Variants in FBXO22 observed in about 807,000 individuals in gnomAD.
The protein encoded by FBXO22 is F-box protein 22, also known as F-box only protein 22.
FBXO22 carries 13 observed loss-of-function variants against 37.2 expected under a neutral mutation model. The ratio of observed to expected loss-of-function variants is 0.35; its 90% CI spans 0.23 to 0.56. FBXO22 has a LOEUF of 0.56. Ranked by LOEUF, FBXO22 falls within the 20% of genes least tolerant of loss-of-function variation. FBXO22 has a pLI of 0.87. For missense variants in FBXO22, 446 were observed against 509.9 expected, an observed-to-expected ratio of 0.87 and a Z score of 1.21; for synonymous variants, 189 against 189.1, an observed-to-expected ratio of 1.00 and a Z score of 0.00.
chr15:75,906,897 A>T (rs971845371), intron 2 of FBXO22, among the ~76,000 whole-genome samples: 3 of 152,170 alleles, frequency 2.0e-5, no homozygotes, highest in Non-Finnish European at 4.4e-5. Flanking sequence ...ATTAAATTAT[A>T]GACTGCAAAT....
rs369843814 is a variant in FBXO22, at chr15:75,941,998, AG to A, written c.*8901del. On this transcript the variant is annotated 3_prime_UTR_variant, in exon 7 of 7. Coordinates refer to ENST00000308275, the MANE Select transcript of FBXO22 (RefSeq NM_147188.3). ...TTTTTTTTTTTTTTTTAAAAAGGGC[AG>A]GGGGTGGGGTATTTAGTCACAAGAC... 9.3e-5 allele frequency: 13 copies of A among 139,204 alleles called. No homozygotes were observed. The highest frequency in any genetic ancestry group is 3.4e-4 in the African/African-American group (13 of 38,252). 8.6% of individuals were successfully genotyped at this position (139,204 alleles called of 1,614,324 possible).
chr15:75,907,539 A>G (rs1899956334), intron 2 of FBXO22, among the ~76,000 whole-genome samples: 1 of 152,176 alleles, frequency 6.6e-6, no homozygotes, highest in Admixed American at 6.5e-5. Flanking sequence ...TTTCCAAGTT[A>G]TCTAGTGGAC....
At chr15:75,912,517 A>G (rs1900083233) in intron 2 of FBXO22, among the ~76,000 whole-genome samples, 1 of 152,096 alleles carries the variant, frequency 6.6e-6, no homozygotes, top group African/African-American at 2.4e-5. Flanking sequence ...TGTGTCCAGG[A>G]ATTTATCCAT....
At chr15:75,919,159 A>G (rs1195706730) in intron 5 of FBXO22, among the ~76,000 whole-genome samples, 1 of 151,982 alleles carries the variant, frequency 6.6e-6, no homozygotes, top group Non-Finnish European at 1.5e-5. Flanking sequence ...TTTATTAGAG[A>G]TAGGGTTTTA....
intron 5 of FBXO22, 99 bp from the exon 6 acceptor site, chr15:75,929,785 A>C (rs1300106438): frequency 1.1e-5 from 16 of 1,419,254 alleles, no homozygotes; most frequent in East Asian, 2.3e-5. Flanking sequence ...AATTGCCCTT[A>C]AGGTGGAGTG....
Position 75,938,158 on chromosome 15 carries a change from A to G in FBXO22, c.*5056A>G, listed in dbSNP as rs2030564070. Reference sequence around the variant, plus strand: ...AGGATTGCTCCTAGCATTCAAGGGAATTTATGTCAAAATAGCTGAACGTGA... The same window carrying G: ...AGGATTGCTCCTAGCATTCAAGGGAGTTTATGTCAAAATAGCTGAACGTGA... On this transcript the variant is annotated 3_prime_UTR_variant, in exon 7 of 7. Transcript: ENST00000308275. 6.6e-6 allele frequency: 1 copy of G among 152,224 alleles called. No individual in the cohort carries two copies. The highest frequency in any genetic ancestry group is 2.1e-4 in the South Asian group (1 of 4,832). The allele number at this position is 152,224 out of a possible 1,614,324, so 9.4% of individuals were successfully genotyped here.
In FBXO22 at chr15:75,932,738, A is replaced by G; in HGVS notation, c.848A>G (p.His283Arg). Residue 283 changes from histidine to arginine, a missense_variant, in exon 7 of 7, where the codon CAC (histidine) becomes CGC (arginine). Around this residue, in one of 2 missense-constraint regions of FBXO22, gnomAD observed 315 missense variants for 410.1 expected, o/e 0.77. Transcript: ENST00000308275. ...GTGGTTGGACTGTCATTTAGTGGAC[A>G]CCGAATCCAGAGTGCCACTGTGCTC... ...SGVVGLSFSG[H>R]RIQSATVLLN... is the part of the protein sequence containing the mutation. 6.2e-7 allele frequency: 1 copy of G among 1,614,118 alleles called. No homozygotes were observed.
At chr15:75,923,098 C>G (rs1282346165) in intron 5 of FBXO22, among the ~76,000 whole-genome samples, 1 of 152,156 alleles carries the variant, frequency 6.6e-6, no homozygotes, top group Admixed American at 6.5e-5. Context: ...ACTCTGTCCT[C>G]TGTCCACCTG....
At chr15:75,916,153 C>T (rs933253605) in intron 4 of FBXO22, among the ~76,000 whole-genome samples, 28 of 149,940 alleles carry the variant, frequency 1.9e-4, no homozygotes, top group Admixed American at 6.0e-4. Context: ...TAAGCAAAAG[C>T]ACCTTTAAGC....
chr15:75,907,670 C>T (rs555271206), intron 2 of FBXO22, among the ~76,000 whole-genome samples: 3 of 151,974 alleles, frequency 2.0e-5, no homozygotes, highest in African/African-American at 2.4e-5. Context: ...CCGAGGCAGG[C>T]AAATCACTTG....
Position 75,935,822 on chromosome 15 carries a change from C to T in FBXO22, c.*2720C>T, listed in dbSNP as rs894742513. On this transcript the variant is annotated 3_prime_UTR_variant, in exon 7 of 7. Coordinates refer to ENST00000308275, the MANE Select transcript of FBXO22 (RefSeq NM_147188.3). ...TTTTTTTTTGAGACGGAGTCCCGCT[C>T]TTTAGCCCAGGCCGGATTGCAATGG... is the stretch of plus-strand genomic sequence containing the variant. 6 of 152,034 alleles carry T rather than the reference C, an allele frequency of 3.9e-5. No homozygotes were observed. Among genetic ancestry groups the T allele is most frequent in the Non-Finnish European group, 7.4e-5 (5 of 68,026 alleles). 9.4% of individuals were successfully genotyped at this position (152,034 alleles called of 1,614,324 possible).
intron 5 of FBXO22, among the ~76,000 whole-genome samples, chr15:75,922,081 A>T (rs1255836672): frequency 2.6e-5 from 4 of 152,136 alleles, no homozygotes; most frequent in African/African-American, 9.7e-5. Flanking sequence ...TAACATAGTC[A>T]TTCATTGTCA....
At chr15:75,904,829 T>TTC (rs1396970671) in intron 2 of FBXO22, among the ~76,000 whole-genome samples, 200 bp downstream of exon 2, 1 of 147,992 alleles carries the variant, frequency 6.8e-6, no homozygotes, top group Non-Finnish European at 1.5e-5. Flanking sequence ...GTTGGGCCTT[T>TTC]TTTTTTTTTT....
Position 75,932,819 on chromosome 15 carries a change from A to G in FBXO22, c.929A>G (p.Lys310Arg). 2 of 1,614,280 alleles carry G rather than the reference A, an allele frequency of 1.2e-6. No homozygotes were observed. The highest frequency in any genetic ancestry group is 1.7e-6 in the Non-Finnish European group (2 of 1,180,054). Reference sequence around the variant, plus strand: ...GCTGAGGCTGCGATGCAGCGCCTCAAAGCGGCCAACATTCCAGAGCATAAC... The same window carrying G: ...GCTGAGGCTGCGATGCAGCGCCTCAGAGCGGCCAACATTCCAGAGCATAAC... ...KTAEAAMQRL[K>R]AANIPEHNTI... Residue 310 changes from lysine (K) to arginine (R), a missense_variant, in exon 7 of 7, where the codon AAA becomes AGA. By Grantham distance (26) the Lys-to-Arg change is conservative. Coordinates refer to ENST00000308275, the MANE Select transcript of FBXO22 (RefSeq NM_147188.3).
chr15:75,930,628 C>A, intron 6 of FBXO22: 3 of 985,386 alleles, frequency 3.0e-6, no homozygotes, highest in Non-Finnish European at 3.6e-6. Flanking sequence ...AAGGCTTTTG[C>A]TTTCAAAGAT....
chr15:75,909,937 C>T (rs1350042822), intron 2 of FBXO22, among the ~76,000 whole-genome samples: 1 of 152,092 alleles, frequency 6.6e-6, no homozygotes, highest in East Asian at 1.9e-4. Flanking sequence ...CCCTGACAGG[C>T]CCTGGTGTGT....
At chr15:75,923,893 T>C (rs1037919820) in intron 5 of FBXO22, among the ~76,000 whole-genome samples, 1 of 152,000 alleles carries the variant, frequency 6.6e-6, no homozygotes, top group Non-Finnish European at 1.5e-5. Context: ...AGATGAAGTT[T>C]GGGGCTGAAT....
intron 5 of FBXO22, among the ~76,000 whole-genome samples, chr15:75,928,610 A>T (rs985052712): frequency 6.6e-6 from 1 of 152,218 alleles, no homozygotes; most frequent in Admixed American, 6.5e-5. Flanking sequence ...GAAGGAGAGG[A>T]TCAGGAAAAA....
intron 5 of FBXO22, among the ~76,000 whole-genome samples, chr15:75,928,422 G>A (rs918344633): frequency 1.3e-5 from 2 of 152,144 alleles, no homozygotes; most frequent in African/African-American, 4.8e-5. Flanking sequence ...ATGAGATCAC[G>A]TCCTTTGCAG....
Sources: gnomAD v4.1 joint callset for allele counts (sites outside exome capture counted in the v4.1 genomes callset) on GRCh38, gnomAD v4.1.1 for gene constraint, gnomAD v4.1.1 regional missense constraint, MANE v1.5 for transcripts, NCBI Gene and HGNC (gene_info 2026-07-23, HGNC 2026-07-21) for gene names.